The following ESRRG variants were observed in gnomAD, a reference collection of about 807,000 sequenced individuals.
The protein encoded by ESRRG is estrogen-related receptor gamma.
In ESRRG, 13 loss-of-function variants were observed where a neutral mutation model predicts 44.0. That is an observed-to-expected ratio of 0.30 (90% CI 0.19 to 0.47). The LOEUF is 0.47. Among genes scored for constraint, ESRRG ranks in the 20% least tolerant of loss-of-function variants. The pLI is 1.00. For missense variants in ESRRG, 395 were observed against 580.6 expected (o/e 0.68, Z 3.29); for synonymous variants, 215 against 214.6 (o/e 1.00, Z -0.02).
At chr1:216,843,516 C>T (rs537880647) in intron 2 of ESRRG, among the ~76,000 whole-genome samples, 2 of 152,112 alleles carry the variant, frequency 1.3e-5, no homozygotes, top group Non-Finnish European at 2.9e-5. Flanking sequence ...GGGTCAAAAT[C>T]TCTCACAAAA....
At chr1:216,664,755 T>C (rs905799724) in intron 2 of ESRRG, among the ~76,000 whole-genome samples, 6 of 151,000 alleles carry the variant, frequency 4.0e-5, no homozygotes, top group Non-Finnish European at 8.8e-5. Flanking sequence ...TTAGAACACT[T>C]GTGCTCTGTT....
At chr1:216,566,195 A>C (rs2059654091) in intron 4 of ESRRG, among the ~76,000 whole-genome samples, 1 of 152,172 alleles carries the variant, frequency 6.6e-6, no homozygotes, top group Non-Finnish European at 1.5e-5. Context: ...TCTTTGTAGT[A>C]CACAATCAGT....
chr1:216,896,978 G>C (rs1419149946), intron 2 of ESRRG, among the ~76,000 whole-genome samples: 2 of 152,200 alleles, frequency 1.3e-5, no homozygotes, highest in Non-Finnish European at 2.9e-5. Flanking sequence ...AATTGCATCT[G>C]TTGCAGAGCC....
intron 1 of ESRRG, among the ~76,000 whole-genome samples, chr1:217,078,651 A>C (rs139961587): frequency 6.6e-6 from 1 of 152,222 alleles, no homozygotes; most frequent in Non-Finnish European, 1.5e-5. Flanking sequence ...ACTTATACGT[A>C]GTTCCTGTCT....
chr1:216,758,442 G>C (rs1301935726), intron 2 of ESRRG, among the ~76,000 whole-genome samples: 1 of 152,018 alleles, frequency 6.6e-6, no homozygotes, highest in African/African-American at 2.4e-5. Flanking sequence ...TTAATCTATT[G>C]CAAGTCAAGG....
At chr1:216,574,068 A>G (rs1486839356) in intron 3 of ESRRG, among the ~76,000 whole-genome samples, 1 of 152,100 alleles carries the variant, frequency 6.6e-6, no homozygotes, top group African/African-American at 2.4e-5. Flanking sequence ...GAAGAAGTTT[A>G]AAAATAAGAT....
rs569488061 is a variant in ESRRG at position 216,732,135 on chromosome 1, A to C, written c.-13-54644T>G. 3.7e-3 allele frequency among the ~76,000 whole-genome samples: 550 copies of C among 148,974 alleles called. 1 individual carries two copies. The highest frequency in any genetic ancestry group is 5.5e-3 in the Non-Finnish European group (371 of 67,074). On this transcript the variant is annotated intron_variant, in intron 2 of 7. Coordinates refer to the ESRRG transcript ENST00000359162. ...TAAAAAAAGAAAATAAAAAAAAGAA[A>C]GGTTTTGTCAACATAAAAAAAAAAA...
chr1:217,112,340 T>A (rs2092670530), intron 1 of ESRRG, among the ~76,000 whole-genome samples: 1 of 152,112 alleles, frequency 6.6e-6, no homozygotes, highest in Admixed American at 6.5e-5. Context: ...AAGCACTAGA[T>A]CTTAGGACCT....
At chr1:216,918,129 A>G (rs2061409446) in intron 2 of ESRRG, among the ~76,000 whole-genome samples, 1 of 152,218 alleles carries the variant, frequency 6.6e-6, no homozygotes. Flanking sequence ...GCGAAATTTA[A>G]AATCTACAAA....
intron 1 of ESRRG, among the ~76,000 whole-genome samples, chr1:216,680,882 TTAACTC>T (rs2076926135): frequency 6.6e-6 from 1 of 152,184 alleles, no homozygotes; most frequent in African/African-American, 2.4e-5. Context: ...AAAATTCACA[TTAACTC>T]TAAGAGGAAT....
At chr1:216,583,524 C>T (rs570462710) in intron 3 of ESRRG, among the ~76,000 whole-genome samples, 1 of 152,326 alleles carries the variant, frequency 6.6e-6, no homozygotes, top group African/African-American at 2.4e-5. Flanking sequence ...TGCTGGGCAG[C>T]ATGAGGCATC....
intron 1 of ESRRG, among the ~76,000 whole-genome samples, chr1:216,993,786 G>T (rs1192980494): frequency 6.6e-6 from 1 of 152,168 alleles, no homozygotes; most frequent in Non-Finnish European, 1.5e-5. Flanking sequence ...GTTCCACAAT[G>T]ATCTCACTCC....
At chr1:216,801,666 C>A (rs931183857) in intron 2 of ESRRG, among the ~76,000 whole-genome samples, 6 of 152,032 alleles carry the variant, frequency 3.9e-5, no homozygotes, top group African/African-American at 1.4e-4. Flanking sequence ...ATTGTGGTTT[C>A]GATTTGCATC....
At chr1:217,034,164 A>G (rs75686724) in intron 1 of ESRRG, among the ~76,000 whole-genome samples, 1 of 152,218 alleles carries the variant, frequency 6.6e-6, no homozygotes, top group Non-Finnish European at 1.5e-5. Flanking sequence ...TAGATCCTCA[A>G]TAATCTATAA....
rs567544291 is a variant in ESRRG at position 216,598,433 on chromosome 1, A to G, written c.590-30335T>C. On this transcript the variant is annotated intron_variant, in intron 3 of 6. Coordinates refer to ENST00000408911, the MANE Select transcript of ESRRG (RefSeq NM_001438.4). ...TCTCTATATAGAATATTCAACAAAA[A>G]TCGCTGAAAGAAATTGTTCATATGG... is the stretch of plus-strand genomic sequence containing the variant. 2.0e-5 allele frequency among the ~76,000 whole-genome samples: 3 copies of G among 152,322 alleles called. No individual in the cohort carries two copies. The South Asian group carries it at 6.2e-4, about 32-fold the overall frequency.
intron 1 of ESRRG, among the ~76,000 whole-genome samples, chr1:217,137,048 C>T (rs1373796860): frequency 6.6e-6 from 1 of 152,108 alleles, no homozygotes; most frequent in Admixed American, 6.5e-5. Flanking sequence ...TCCCGTGGGC[C>T]TAAAGCGACT....
chr1:216,918,632 C>T (rs958119936), intron 2 of ESRRG, among the ~76,000 whole-genome samples: 8 of 151,736 alleles, frequency 5.3e-5, no homozygotes, highest in South Asian at 2.1e-4. Flanking sequence ...AAAATAAAGA[C>T]GATAATGACC....
chr1:216,950,420 T>A (rs1482841839), intron 1 of ESRRG, among the ~76,000 whole-genome samples: 1 of 152,200 alleles, frequency 6.6e-6, no homozygotes, highest in Non-Finnish European at 1.5e-5. Context: ...AAAGAGTTTT[T>A]TCGTTGTTTA....
At chr1:216,694,407 G>A (rs2079689133) in intron 1 of ESRRG, among the ~76,000 whole-genome samples, 1 of 152,092 alleles carries the variant, frequency 6.6e-6, no homozygotes, top group Non-Finnish European at 1.5e-5. Context: ...ATTGGGGCCA[G>A]ATTGCAGAAG....
Sources: allele counts gnomAD v4.1 joint callset (sites outside exome capture counted in the v4.1 genomes callset), GRCh38; gene constraint gnomAD v4.1.1; transcripts MANE v1.5; gene names NCBI Gene and HGNC (gene_info 2026-07-23, HGNC 2026-07-21).